Variants in UNC5D observed in about 807,000 individuals in gnomAD.
UNC5D encodes the protein unc-5 netrin receptor D.
UNC5D carries 39 observed loss-of-function variants against 105.4 expected under a neutral mutation model. The ratio of observed to expected loss-of-function variants is 0.37; its 90% CI spans 0.29 to 0.48. UNC5D has a LOEUF of 0.48. Among genes scored for constraint, UNC5D ranks in the 20% least tolerant of loss-of-function variants. UNC5D has a pLI of 0.98. For missense variants in UNC5D, 991 were observed against 1,202.4 expected (o/e 0.82, Z 2.60); for synonymous variants, 452 against 450.4 (o/e 1.00, Z -0.04).
intron 11 of UNC5D, among the ~76,000 whole-genome samples, chr8:35,745,738 G>T (rs1276320928): frequency 6.6e-6 from 1 of 152,182 alleles, no homozygotes; most frequent in African/African-American, 2.4e-5. Flanking sequence ...AGTAGCAAAA[G>T]TTCTATGCAA....
intron 1 of UNC5D, among the ~76,000 whole-genome samples, chr8:35,493,383 A>C (rs1172165769): frequency 6.6e-6 from 1 of 151,952 alleles, no homozygotes; most frequent in Admixed American, 6.6e-5. Context: ...GAAAATAGGA[A>C]ATGTGTTATC....
At chr8:35,558,753 T>C (rs1166274464) in intron 2 of UNC5D, among the ~76,000 whole-genome samples, 2 of 151,934 alleles carry the variant, frequency 1.3e-5, no homozygotes. Context: ...GAGGCCGAGG[T>C]GGGCGGGTCA....
At chr8:35,418,315 C>A (rs957318818) in intron 1 of UNC5D, among the ~76,000 whole-genome samples, 4 of 152,128 alleles carry the variant, frequency 2.6e-5, no homozygotes, top group Admixed American at 2.0e-4. Context: ...TCAACCTGTT[C>A]CCTTGCGGAT....
At chr8:35,673,072 C>T (rs1420145761) in intron 4 of UNC5D, among the ~76,000 whole-genome samples, 2 of 152,234 alleles carry the variant, frequency 1.3e-5, no homozygotes, top group East Asian at 1.9e-4. Context: ...AATGGCTTCA[C>T]AATTAAGCTG....
intron 1 of UNC5D, among the ~76,000 whole-genome samples, chr8:35,320,487 G>A (rs1809655915): frequency 6.6e-6 from 1 of 152,138 alleles, no homozygotes; most frequent in East Asian, 1.9e-4. Flanking sequence ...GGGAAAGGAA[G>A]GGGATCTCTA....
rs537320377 is a variant in UNC5D, at chr8:35,535,792, T to A, written c.104-13500T>A. Among the ~76,000 whole-genome samples the A allele has an allele frequency of 2.6e-5, 4 of 152,246 alleles. No individual in the cohort carries two copies. In the South Asian group the frequency reaches 8.3e-4, roughly 32 times the overall value. ...CCTCCTTCTCCATCCATCCCTTAAT[T>A]TTTCCTTAATTAATAATAATATGCT... On this transcript the variant is annotated intron_variant, in intron 1 of 16. Transcript: ENST00000404895.
rs556608237 is a variant in UNC5D, at chr8:35,744,988, G to A, written c.1767-3539G>A. ...GAATCGCTTGAACCTAGGAGACGGA[G>A]GTTGCAGTGAGCCCAAGATGGTGCC... On this transcript the variant is annotated intron_variant, in intron 11 of 16. Transcript: ENST00000404895. Among the ~76,000 whole-genome samples, 454 of 152,152 alleles carry A rather than the reference G, an allele frequency of 3.0e-3. 2 individuals are homozygous for A. The highest frequency in any genetic ancestry group is 0.01 in the African/African-American group (429 of 41,520).
At chr8:35,578,474 A>T (rs768858233) in intron 3 of UNC5D, among the ~76,000 whole-genome samples, 3 of 152,186 alleles carry the variant, frequency 2.0e-5, no homozygotes, top group Non-Finnish European at 4.4e-5. Context: ...GACATGGCAC[A>T]TGTTTCTGAA....
intron 1 of UNC5D, among the ~76,000 whole-genome samples, chr8:35,252,252 GAATA>G (rs987655215): frequency 1.5e-4 from 23 of 152,014 alleles, no homozygotes; most frequent in Middle Eastern, 3.4e-3. Context: ...TGTTGCATAT[GAATA>G]AATATAGTTT....
chr8:35,676,674 A>G (rs1586401754), intron 4 of UNC5D, among the ~76,000 whole-genome samples: 1 of 152,368 alleles, frequency 6.6e-6, no homozygotes, highest in Admixed American at 6.5e-5. Context: ...TAGGTTCAAA[A>G]GTTATGTGCT....
intron 2 of UNC5D, among the ~76,000 whole-genome samples, chr8:35,551,998 A>G (rs747650568): frequency 3.9e-5 from 6 of 152,340 alleles, no homozygotes; most frequent in African/African-American, 1.4e-4. Context: ...ATCATTACAC[A>G]GTTCTGAACT....
At chr8:35,478,897 A>G (rs1810293633) in intron 1 of UNC5D, among the ~76,000 whole-genome samples, 1 of 152,204 alleles carries the variant, frequency 6.6e-6, no homozygotes, top group African/African-American at 2.4e-5. Flanking sequence ...TATTTAAATT[A>G]CATTTCAAAC....
intron 1 of UNC5D, among the ~76,000 whole-genome samples, chr8:35,268,070 T>C (rs1805014268): frequency 6.6e-6 from 1 of 152,238 alleles, no homozygotes; most frequent in Admixed American, 6.5e-5. Flanking sequence ...TTATGATTTT[T>C]TTGTTCCAAA....
At chr8:35,470,197 G>A (rs1809601156) in intron 1 of UNC5D, among the ~76,000 whole-genome samples, 1 of 152,110 alleles carries the variant, frequency 6.6e-6, no homozygotes, top group South Asian at 2.1e-4. Context: ...ATTTAGGCAG[G>A]TACTAATGTA....
At chr8:35,322,958 A>G (rs950949911) in intron 1 of UNC5D, among the ~76,000 whole-genome samples, 1 of 152,150 alleles carries the variant, frequency 6.6e-6, no homozygotes, top group Non-Finnish European at 1.5e-5. Context: ...TTTCTTGATA[A>G]TATATCTTAC....
At chr8:35,584,375 G>A (rs1837347) in intron 3 of UNC5D, among the ~76,000 whole-genome samples, 28,083 of 151,626 alleles carry the variant, frequency 0.19, 5,977 homozygotes, top group African/African-American at 0.53. Flanking sequence ...GAATTATACT[G>A]GGCCTGTTTT....
At chr8:35,757,239 C>T (rs1439096441) in intron 13 of UNC5D, among the ~76,000 whole-genome samples, 1 of 152,004 alleles carries the variant, frequency 6.6e-6, no homozygotes, top group Admixed American at 6.6e-5. Flanking sequence ...ACCTTAAAAC[C>T]AGAGCAACAT....
intron 1 of UNC5D, among the ~76,000 whole-genome samples, chr8:35,354,207 C>G (rs926054104): frequency 6.6e-6 from 1 of 151,956 alleles, no homozygotes; most frequent in Non-Finnish European, 1.5e-5. Context: ...GGTTCCAGTA[C>G]GAATAAGATG....
chr8:35,622,013 A>G (rs1821387770), intron 4 of UNC5D, among the ~76,000 whole-genome samples: 1 of 152,364 alleles, frequency 6.6e-6, no homozygotes, highest in East Asian at 1.9e-4. Flanking sequence ...AAAAGGCAAC[A>G]GGCTTGCAAA....
Sources: gnomAD v4.1 joint callset for allele counts (sites outside exome capture counted in the v4.1 genomes callset) on GRCh38, gnomAD v4.1.1 for gene constraint, MANE v1.5 for transcripts, NCBI Gene and HGNC (gene_info 2026-07-23, HGNC 2026-07-21) for gene names.